NICN1: variants seen among roughly 807,000 people sequenced by gnomAD.
NICN1 encodes the protein nicolin-1.
In NICN1, 18 loss-of-function variants were observed where a neutral mutation model predicts 26.3. The ratio of observed to expected loss-of-function variants is 0.68; its 90% confidence interval spans 0.47 to 1.01. The LOEUF (loss-of-function observed/expected upper bound fraction) is 1.01, where lower values mean the gene tolerates loss of function less well. Ranked by LOEUF, NICN1 falls within the 50% of genes least tolerant of loss-of-function variation. The pLI, the probability that NICN1 is intolerant of heterozygous loss-of-function variation, is 0.00. For missense variants in NICN1, 239 were observed against 278.3 expected (o/e 0.86, Z 1.00); for synonymous variants, 109 against 111.0 (o/e 0.98, Z 0.11).
intron 1 of NICN1, among the ~76,000 whole-genome samples, chr3:49,427,190 G>A (rs575007456): frequency 2.0e-5 from 3 of 152,046 alleles, no homozygotes; most frequent in East Asian, 3.9e-4. Context: ...GCTTGGTGGC[G>A]GGCACCTGTA....
chr3:49,422,993 A>G lies in NICN1; in HGVS notation c.*1840T>C, dbSNP rs2049137469. ...ATCTTACTGCATACCAGGCCCTCAG[A>G]TGGGGACACAGCCACGAATGAAGCA... On this transcript the variant is annotated 3_prime_UTR_variant, in exon 6 of 6. Coordinates refer to ENST00000273598, the MANE Select transcript of NICN1 (RefSeq NM_032316.3). 1.3e-5 allele frequency: 3 copies of G among 233,278 alleles called. No individual in the cohort carries two copies. The Admixed American group carries it at 1.5e-4, about 12-fold the overall frequency. The allele number at this position is 233,278 out of a possible 1,614,324, so 14.5% of individuals were successfully genotyped here. A position where few individuals can be genotyped will look rare whatever the true frequency, so the allele number is the denominator to read the frequency against.
chr3:49,422,434 C>T lies in NICN1; in HGVS notation c.*2399G>A. The stretch of plus-strand genomic sequence containing the variant: ...GCGAAAGCCCAGACGGGCCACCACA[C>T]TTACAGCCCTCTGCATCGTCGCCTG... On this transcript the variant is annotated 3_prime_UTR_variant, in exon 6 of 6. Transcript: ENST00000273598. 1 of 1,613,538 alleles carries T rather than the reference C, an allele frequency of 6.2e-7. No homozygotes were observed. Among genetic ancestry groups the T allele is most frequent in the Middle Eastern group, 1.6e-4 (1 of 6,062 alleles).
intron 3 of NICN1, 101 bp from the exon 4 acceptor site, chr3:49,425,539 G>C: frequency 1.0e-6 from 1 of 954,738 alleles, no homozygotes; most frequent in East Asian, 2.6e-5. Context: ...CTGGGCCTCA[G>C]ACACTGGGAA....
At chr3:49,426,495 C>A in intron 1 of NICN1, 67 bp from the exon 2 acceptor site, 7 of 1,143,294 alleles carry the variant, frequency 6.1e-6, no homozygotes, top group South Asian at 1.4e-5. Flanking sequence ...GCTCAAAGAT[C>A]AAAGGTGCCA....
chr3:49,424,727 T>G lies in NICN1; in HGVS notation c.*106A>C. On this transcript the variant is annotated 3_prime_UTR_variant, in exon 6 of 6. Coordinates refer to ENST00000273598, the MANE Select transcript of NICN1 (RefSeq NM_032316.3). The stretch of plus-strand genomic sequence containing the variant: ...GAATGTGGCCCAGACAGAACAGGCA[T>G]GCAGGCAACACTTGGAATGCACAGG... The G allele has an allele frequency of 1.1e-6, 1 of 910,298 alleles. No individual in the cohort carries two copies. Among genetic ancestry groups the G allele is most frequent in the East Asian group, 2.4e-5 (1 of 41,534 alleles). The allele number at this position is 910,298 out of a possible 1,614,324, so 56.4% of individuals were successfully genotyped here. A position where few individuals can be genotyped will look rare whatever the true frequency, so the allele number is the denominator to read the frequency against.
At chr3:49,428,964 T>A in intron 1 of NICN1, 144 bp downstream of exon 1, 1 of 722,348 alleles carries the variant, frequency 1.4e-6, no homozygotes, top group South Asian at 2.0e-5. Flanking sequence ...ACTGAAGGAC[T>A]AAATAAATGA....
Position 49,425,999 on chromosome 3 carries a change from G to GAC in NICN1, c.310-5_310-4dup, listed in dbSNP as rs143436353. 44 of 1,572,064 alleles carry GAC rather than the reference G, an allele frequency of 2.8e-5. No homozygotes were observed. The highest frequency in any genetic ancestry group is 8.9e-5 in the South Asian group (8 of 89,566). On this transcript the variant is annotated splice_polypyrimidine_tract_variant and splice_region_variant and intron_variant, in intron 2 of 5. Transcript: ENST00000273598. ...ATTCTAGCCATGTCACACAGCATCTGACACACACACACAAGGACCCAGCAA... is the reference window on the plus strand; with the variant it reads ...ATTCTAGCCATGTCACACAGCATCTGACACACACACACACAAGGACCCAGCAA...
chr3:49,425,773 T>C (rs535899801), intron 3 of NICN1, 110 bp downstream of exon 3: 15 of 623,438 alleles, frequency 2.4e-5, no homozygotes, highest in African/African-American at 5.5e-5. Context: ...CTAACCTCCA[T>C]GAAGGCCCCA....
chr3:49,424,515 G>C lies in NICN1; in HGVS notation c.*318C>G. ...CTGCACTGACATGAGGGAGCAGGCA[G>C]AAGACAGGAATGTGCATGTTGCCAG... On this transcript the variant is annotated 3_prime_UTR_variant, in exon 6 of 6. Coordinates refer to ENST00000273598, the MANE Select transcript of NICN1 (RefSeq NM_032316.3). The C allele has an allele frequency of 1.9e-6, 1 of 521,294 alleles. No homozygotes were observed. The highest frequency in any genetic ancestry group is 2.2e-5 in the South Asian group (1 of 45,804). The allele number at this position is 521,294 out of a possible 1,614,324, so 32.3% of individuals were successfully genotyped here.
At position 49,422,586 on chromosome 3, in the gene NICN1, A is replaced by G. The variant is rs750502117; in HGVS notation, c.*2247T>C. 2.0e-4 allele frequency: 185 copies of G among 942,844 alleles called. No individual in the cohort carries two copies. The highest frequency in any genetic ancestry group is 2.8e-4 in the Non-Finnish European group (169 of 597,044). 58.4% of individuals were successfully genotyped at this position (942,844 alleles called of 1,614,324 possible). ...TCTGAAGGGGGCGTGGGCAGCCCCA[A>G]GGGCAGGCTGGGATTTAGAGCAGAG... On this transcript the variant is annotated 3_prime_UTR_variant, in exon 6 of 6. Transcript: ENST00000273598.
At position 49,429,209 on chromosome 3, in the gene NICN1, T is replaced by G. The variant is rs2049199273; in HGVS notation, c.31A>C (p.Lys11Gln). Residue 11 changes from lysine to glutamine, a missense_variant, in exon 1 of 6, where the codon AAA becomes CAA. Transcript: ENST00000273598. The part of the protein sequence containing the change: MSRVLVPCHV[K>Q]GSVALQVGDV... ...CCCACCTGGAGGGCTACGGAGCCTT[T>G]CACATGGCAAGGCACCAAAACGCGG... The G allele has an allele frequency of 1.9e-6, 3 of 1,608,552 alleles. No homozygotes were observed. Among genetic ancestry groups the G allele is most frequent in the Non-Finnish European group, 1.7e-6 (2 of 1,177,612 alleles).
chr3:49,429,261 G>T lies in NICN1; in HGVS notation c.-22C>A, dbSNP rs955666117. The T allele has an allele frequency of 6.3e-7, 1 of 1,575,666 alleles. No individual in the cohort carries two copies. The highest frequency in any genetic ancestry group is 1.4e-5 in the African/African-American group (1 of 73,242). On this transcript the variant is annotated 5_prime_UTR_variant, in exon 1 of 6. Transcript: ENST00000273598. The stretch of plus-strand genomic sequence containing the variant: ...ACATGGTGACAGCAGCCGCAACTAA[G>T]TGCAACCGCCGCTCTAGGCCCCCGA...
rs770325517 is a variant in NICN1 at position 49,425,971 on chromosome 3, G to A, written c.335C>T (p.Ser112Leu). Residue 112 changes from serine to leucine, a missense_variant, in exon 3 of 6, where the codon TCG becomes TTG. Coordinates refer to ENST00000273598, the MANE Select transcript of NICN1 (RefSeq NM_032316.3). ...HQMLCDMARI[S>L]ELRLILRQPS... is the part of the protein sequence containing the mutation. ...CTGCCGCAGAATCAGGCGTAGCTCC[G>A]ATATTCTAGCCATGTCACACAGCAT... 18 of 1,610,432 alleles carry A rather than the reference G, an allele frequency of 1.1e-5. No homozygotes were observed. The highest frequency in any genetic ancestry group is 8.9e-5 in the East Asian group (4 of 44,808).
chr3:49,426,691 C>A (rs141710299), intron 1 of NICN1, among the ~76,000 whole-genome samples: 1 of 152,244 alleles, frequency 6.6e-6, no homozygotes, highest in African/African-American at 2.4e-5. Flanking sequence ...CCACGCCCAG[C>A]TAATTGTTTT....
rs58773326 is a variant in NICN1 at position 49,427,644 on chromosome 3, GAA to G, written c.133-1218_133-1217del. Among the ~76,000 whole-genome samples the G allele has an allele frequency of 6.6e-3, 675 of 102,766 alleles. 3 individuals are homozygous for G. The highest frequency in any genetic ancestry group is 0.014 in the African/African-American group (384 of 27,128). The allele number at this position is 102,766 out of a possible 152,430, so 67.4% of individuals were successfully genotyped here. On this transcript the variant is annotated intron_variant, in intron 1 of 5. Coordinates refer to ENST00000273598, the MANE Select transcript of NICN1 (RefSeq NM_032316.3). The stretch of plus-strand genomic sequence containing the variant: ...GGTGACAAAACGAGGCTACCTCTCA[GAA>G]AAAAAAAAAAAAAAAAAGAAATGTA...
Position 49,425,939 on chromosome 3 carries a change from G to C in NICN1, c.367C>G (p.Pro123Ala). Residue 123 changes from proline (P) to alanine (A), a missense_variant, in exon 3 of 6, where the codon CCA (proline) becomes GCA (alanine). Physicochemically the swap from Pro to Ala is conservative, Grantham distance 27. Coordinates refer to ENST00000273598, the MANE Select transcript of NICN1 (RefSeq NM_032316.3). ...ELRLILRQPSPLWLSFTVEEL... is the reference protein window; with the variant it reads ...ELRLILRQPSALWLSFTVEEL... Reference sequence around the variant, plus strand: ...TCCACTGTGAAAGACAGCCACAGTGGTGATGGCTGCCGCAGAATCAGGCGT... The same window carrying C: ...TCCACTGTGAAAGACAGCCACAGTGCTGATGGCTGCCGCAGAATCAGGCGT... 1 of 1,612,348 alleles carries C rather than the reference G, an allele frequency of 6.2e-7. No individual in the cohort carries two copies. The highest frequency in any genetic ancestry group is 1.1e-5 in the South Asian group (1 of 90,974).
chr3:49,429,175 C>T lies in NICN1; in HGVS notation c.65G>A (p.Arg22Gln). Residue 22 changes from arginine (R) to glutamine (Q), a missense_variant, in exon 1 of 6, where the codon CGG becomes CAG. Arg to Gln is a conservative substitution (Grantham distance 43, BLOSUM62 1). Coordinates refer to ENST00000273598, the MANE Select transcript of NICN1 (RefSeq NM_032316.3). ...GSVALQVGDV[R>Q]TSQGRPGVLV... ...CACGCCAGGCCGGCCTTGGGAGGTCCGCACGTCGCCCACCTGGAGGGCTAC... is the reference window on the plus strand; with the variant it reads ...CACGCCAGGCCGGCCTTGGGAGGTCTGCACGTCGCCCACCTGGAGGGCTAC... The T allele has an allele frequency of 3.1e-6, 5 of 1,611,390 alleles. No individual in the cohort carries two copies. The highest frequency in any genetic ancestry group is 1.7e-4 in the Middle Eastern group (1 of 6,054).
At position 49,422,516 on chromosome 3, in the gene NICN1, T is replaced by A; in HGVS notation, c.*2317A>T. The A allele has an allele frequency of 1.3e-6, 2 of 1,513,166 alleles. No homozygotes were observed. The highest frequency in any genetic ancestry group is 1.8e-6 in the Non-Finnish European group (2 of 1,100,172). 93.7% of individuals were successfully genotyped at this position (1,513,166 alleles called of 1,614,324 possible). A position where few individuals can be genotyped will look rare whatever the true frequency, so the allele number is the denominator to read the frequency against. The stretch of plus-strand genomic sequence containing the variant: ...ACACTGCCAGGCACGCCGGGAGATG[T>A]AGTCCAGGCCTCTGCTCGGACAGGT... On this transcript the variant is annotated 3_prime_UTR_variant, in exon 6 of 6. Transcript: ENST00000273598.
chr3:49,426,150 G>T, intron 2 of NICN1, 102 bp downstream of exon 2: 1 of 1,302,030 alleles, frequency 7.7e-7, no homozygotes, highest in Non-Finnish European at 1.1e-6. Flanking sequence ...CACAGTTCAG[G>T]CCAGACTGGC....
Sources: gnomAD v4.1 joint callset for allele counts (sites outside exome capture counted in the v4.1 genomes callset) on GRCh38, gnomAD v4.1.1 for gene constraint, MANE v1.5 for transcripts, NCBI Gene and HGNC (gene_info 2026-07-23, HGNC 2026-07-21) for gene names.